BICDL1: variants seen among roughly 807,000 people sequenced by gnomAD.
BICDL1 encodes the protein BICD family-like cargo adapter 1.
Under a neutral mutation model 76.8 loss-of-function variants are expected in BICDL1, and 20 were observed. That is an observed-to-expected ratio of 0.26 (90% CI 0.18 to 0.38). The LOEUF (loss-of-function observed/expected upper bound fraction) is 0.38. Among genes scored for constraint, BICDL1 ranks in the 10% least tolerant of loss-of-function variants. BICDL1 has a pLI of 1.00. For missense variants in BICDL1, 700 were observed against 798.6 expected (o/e 0.88, Z 1.49); for synonymous variants, 383 against 337.1 (o/e 1.14, Z -1.49).
At position 120,058,069 on chromosome 12, in the gene BICDL1, G is replaced by A. The variant is rs1262381994; in HGVS notation, c.646-3641G>A. Among the ~76,000 whole-genome samples, 23 of 151,854 alleles carry A rather than the reference G, an allele frequency of 1.5e-4. No homozygotes were observed. The East Asian group carries it at 3.3e-3, about 22-fold the overall frequency. ...AGGATGGTCTCGATCTCCTGACCTC[G>A]CGATCCACCCGCCTCGGCCTCCCAA... is the stretch of plus-strand genomic sequence containing the variant. On this transcript the variant is annotated intron_variant, in intron 2 of 9. Transcript: ENST00000548673.
At position 119,996,681 on chromosome 12, in the gene BICDL1, T is replaced by C. The variant is rs1441644187; in HGVS notation, c.430-1840T>C. Among the ~76,000 whole-genome samples, 7 of 150,122 alleles carry C rather than the reference T, an allele frequency of 4.7e-5. No homozygotes were observed. In the East Asian group the frequency reaches 1.4e-3, roughly 30 times the overall value. On this transcript the variant is annotated intron_variant, in intron 1 of 9. Coordinates refer to ENST00000548673, the MANE Select transcript of BICDL1 (RefSeq NM_001367886.1). ...AACCCAGTATATATACATATACAGA[T>C]ACACACACACACACACACACACGCA...
intron 6 of BICDL1, among the ~76,000 whole-genome samples, chr12:120,073,457 C>A (rs1282106297): frequency 6.6e-6 from 1 of 152,210 alleles, no homozygotes; most frequent in African/African-American, 2.4e-5. Flanking sequence ...TCTGAAGCTT[C>A]CGCCAAAAGA....
At chr12:120,090,834 C>A in intron 9 of BICDL1, 2 of 1,254,430 alleles carry the variant, frequency 1.6e-6, no homozygotes, top group Non-Finnish European at 2.1e-6. Flanking sequence ...CCGTCCCTGG[C>A]TCCTTGGCTC....
At chr12:120,004,410 C>T (rs748615595) in intron 2 of BICDL1, among the ~76,000 whole-genome samples, 13 of 152,108 alleles carry the variant, frequency 8.5e-5, no homozygotes, top group Non-Finnish European at 1.8e-4. Context: ...GCTTCAAAGG[C>T]TGAATGAAGC....
chr12:120,056,391 A>G (rs1282155827), intron 2 of BICDL1, among the ~76,000 whole-genome samples: 3 of 152,206 alleles, frequency 2.0e-5, no homozygotes, highest in African/African-American at 7.2e-5. Context: ...TTTGATAAGT[A>G]AACTATAAGA....
At chr12:120,080,397 G>A (rs1212453383) in intron 7 of BICDL1, among the ~76,000 whole-genome samples, 1 of 152,198 alleles carries the variant, frequency 6.6e-6, no homozygotes. Context: ...GAACTAAAGC[G>A]AGCTGGGCTG....
chr12:120,006,973 G>A (rs943432935), intron 2 of BICDL1, among the ~76,000 whole-genome samples: 2 of 152,140 alleles, frequency 1.3e-5, no homozygotes, highest in Admixed American at 1.3e-4. Flanking sequence ...AGAGTTGATG[G>A]TAGCTTTGAT....
chr12:120,081,076 A>G, intron 8 of BICDL1, 59 bp downstream of exon 8: 2 of 1,539,436 alleles, frequency 1.3e-6, no homozygotes, highest in Admixed American at 1.8e-5. Flanking sequence ...AGAATTGAGC[A>G]TATGCTCAAT....
rs1487075997 is a variant in BICDL1, at chr12:119,998,614, A to G, written c.523A>G (p.Lys175Glu). 1 of 1,613,918 alleles carries G rather than the reference A, an allele frequency of 6.2e-7. No individual in the cohort carries two copies. Among genetic ancestry groups the G allele is most frequent in the African/African-American group, 1.3e-5 (1 of 74,872 alleles). ...GRVSELESDVKQLQDELERQQ... is the reference protein window; with the variant it reads ...GRVSELESDVEQLQDELERQQ... ...AGTGTCAGAGCTGGAGAGTGATGTG[A>G]AGCAGCTACAGGATGAGTTGGAGAG... The change falls in exon 2 of 10, where the codon AAG becomes GAG. Residue 175 changes from lysine to glutamate, a missense_variant. By Grantham distance (56) the Lys-to-Glu change is moderately conservative. Coordinates refer to ENST00000548673, the MANE Select transcript of BICDL1 (RefSeq NM_001367886.1).
At position 119,990,181 on chromosome 12, in the gene BICDL1, C is replaced by G. The variant is rs764750075; in HGVS notation, c.313C>G (p.Gln105Glu). The change falls in exon 1 of 10, where the codon CAG becomes GAG. Residue 105 changes from glutamine to glutamate, a missense_variant. Around this residue, in one of 3 missense-constraint regions of BICDL1, gnomAD observed 225 missense variants for 199.6 expected, o/e 1.13. Transcript: ENST00000548673. ...CCCCGAGCTGCTGTCGGTGATCCGACAGAAGGAGAAGGATCTGGTGTTGGC... is the reference window on the plus strand; with the variant it reads ...CCCCGAGCTGCTGTCGGTGATCCGAGAGAAGGAGAAGGATCTGGTGTTGGC... Reference protein sequence around the residue: ...QDPELLSVIRQKEKDLVLAAR... With the variant: ...QDPELLSVIREKEKDLVLAAR... The G allele has an allele frequency of 6.4e-7, 1 of 1,556,008 alleles. No individual in the cohort carries two copies. The highest frequency in any genetic ancestry group is 8.7e-7 in the Non-Finnish European group (1 of 1,150,214).
At chr12:120,061,572 A>T (rs1437397089) in intron 2 of BICDL1, 138 bp from the exon 3 acceptor site, 2 of 703,106 alleles carry the variant, frequency 2.8e-6, no homozygotes, top group Non-Finnish European at 5.1e-6. Context: ...GAACAAATGG[A>T]TGGGAAACCA....
In BICDL1 at chr12:120,061,698, CCT is replaced by C. The variant is rs1457367709; in HGVS notation, c.646-9_646-8del. On this transcript the variant is annotated splice_polypyrimidine_tract_variant and intron_variant, in intron 2 of 9. Coordinates refer to ENST00000548673, the MANE Select transcript of BICDL1 (RefSeq NM_001367886.1). ...ACCTCCGAATCAGCTCTGCAGGTCT[CCT>C]CTGTTTCAGGCATCAGAAGTTGAGA... is the stretch of plus-strand genomic sequence containing the variant. The C allele has an allele frequency of 1.3e-6, 2 of 1,587,856 alleles. No homozygotes were observed. Among genetic ancestry groups the C allele is most frequent in the Admixed American group, 1.7e-5 (1 of 60,000 alleles).
intron 2 of BICDL1, among the ~76,000 whole-genome samples, chr12:120,034,192 A>G (rs930669634): frequency 6.6e-6 from 1 of 152,204 alleles, no homozygotes; most frequent in Admixed American, 6.5e-5. Context: ...CCTACGAATG[A>G]AATTAGGAAG....
At chr12:120,005,378 T>C (rs948741666) in intron 2 of BICDL1, among the ~76,000 whole-genome samples, 2 of 152,212 alleles carry the variant, frequency 1.3e-5, no homozygotes, top group African/African-American at 4.8e-5. Flanking sequence ...TGTTTTTGTT[T>C]GTTTTTGAGA....
chr12:120,086,157 C>A (rs989308833), intron 8 of BICDL1, among the ~76,000 whole-genome samples: 3 of 152,198 alleles, frequency 2.0e-5, no homozygotes, highest in Non-Finnish European at 4.4e-5. Flanking sequence ...TGGAAGGATG[C>A]CCCCAGTAGG....
At chr12:120,058,933 G>GA (rs1158396155) in intron 2 of BICDL1, among the ~76,000 whole-genome samples, 2 of 151,276 alleles carry the variant, frequency 1.3e-5, no homozygotes, top group African/African-American at 4.9e-5. Context: ...GCCTAGCATT[G>GA]AAAAAAAAGA....
At chr12:120,090,631 G>T in intron 9 of BICDL1, 1 of 354,392 alleles carries the variant, frequency 2.8e-6, no homozygotes, top group Non-Finnish European at 5.5e-6. Context: ...TTGTTCGTGA[G>T]GTTGAGGTAG....
chr12:120,080,473 C>T (rs887760744), intron 7 of BICDL1, among the ~76,000 whole-genome samples: 5 of 152,108 alleles, frequency 3.3e-5, no homozygotes, highest in African/African-American at 1.2e-4. Context: ...CTGTTGATAG[C>T]AGCATCCATG....
chr12:120,007,128 A>G (rs960533890), intron 2 of BICDL1, among the ~76,000 whole-genome samples: 6 of 152,202 alleles, frequency 3.9e-5, no homozygotes, highest in South Asian at 2.1e-4. Context: ...GTCTTGAGCT[A>G]CTGGAGGAAT....
Sources: allele counts gnomAD v4.1 joint callset (sites outside exome capture counted in the v4.1 genomes callset), GRCh38; gene constraint gnomAD v4.1.1; regional missense constraint gnomAD v4.1.1; transcripts MANE v1.5; gene names NCBI Gene and HGNC (gene_info 2026-07-23, HGNC 2026-07-21).